The following SUGCT variants were observed in gnomAD, a reference collection of about 807,000 sequenced individuals.
SUGCT encodes succinyl-CoA:glutarate CoA-transferase.
In SUGCT, 41 loss-of-function variants were observed where a neutral mutation model predicts 55.0. The ratio of observed to expected loss-of-function variants is 0.74; its 90% CI spans 0.58 to 0.97. SUGCT has a LOEUF of 0.97. Among genes scored for constraint, SUGCT ranks in the 50% least tolerant of loss-of-function variants. SUGCT has a pLI of 0.00. For synonymous variants in SUGCT, 187 were observed against 200.4 expected (o/e 0.93, Z 0.56); for missense variants, 568 against 547.8 (o/e 1.04, Z -0.37).
chr7:40,247,459 T>C (rs1210150940), intron 7 of SUGCT, among the ~76,000 whole-genome samples: 2 of 152,154 alleles, frequency 1.3e-5, no homozygotes, highest in African/African-American at 4.8e-5. Context: ...GGTTTCACCA[T>C]GTTGGCCAGG....
the SUGCT span, among the ~76,000 whole-genome samples, chr7:40,939,340 G>A: frequency 1.3e-5 from 2 of 152,276 alleles, no homozygotes; most frequent in South Asian, 4.1e-4. Context: ...TCCACAACAC[G>A]TGGGAATTAT....
intron 9 of SUGCT, among the ~76,000 whole-genome samples, chr7:40,414,477 GA>G (rs1277770079): frequency 6.6e-6 from 1 of 152,146 alleles, no homozygotes; most frequent in Non-Finnish European, 1.5e-5. Flanking sequence ...CTAAGCAGAT[GA>G]GGGGGGACTA....
intron 12 of SUGCT, among the ~76,000 whole-genome samples, chr7:40,562,314 A>AAG (rs1476094622): frequency 1.3e-5 from 2 of 150,752 alleles, no homozygotes; most frequent in Non-Finnish European, 1.5e-5. Context: ...AAAAAAAAAA[A>AAG]GGTGAATGCC....
intron 7 of SUGCT, among the ~76,000 whole-genome samples, chr7:40,265,597 AGT>A (rs1791515300): frequency 6.6e-6 from 1 of 152,128 alleles, no homozygotes; most frequent in Non-Finnish European, 1.5e-5. Flanking sequence ...TGTGTATGTA[AGT>A]AATCTTTTAA....
At chr7:40,471,722 T>C (rs1790411433) in intron 11 of SUGCT, among the ~76,000 whole-genome samples, 1 of 152,152 alleles carries the variant, frequency 6.6e-6, no homozygotes, top group Non-Finnish European at 1.5e-5. Flanking sequence ...TTTTAAGTAC[T>C]GGAGATAACA....
At chr7:40,916,800 T>C in the SUGCT span, among the ~76,000 whole-genome samples, 2 of 152,222 alleles carry the variant, frequency 1.3e-5, no homozygotes, top group African/African-American at 4.8e-5. Flanking sequence ...TTCATTTGTT[T>C]CTTTATACAC....
chr7:40,316,267 A>G (rs1047373557), intron 8 of SUGCT, among the ~76,000 whole-genome samples: 3 of 152,238 alleles, frequency 2.0e-5, no homozygotes, highest in Non-Finnish European at 2.9e-5. Flanking sequence ...CTTAAATAAA[A>G]TGGAGGTTTA....
intron 11 of SUGCT, among the ~76,000 whole-genome samples, chr7:40,468,901 G>A (rs1790266403): frequency 6.6e-6 from 1 of 152,132 alleles, no homozygotes; most frequent in South Asian, 2.1e-4. Flanking sequence ...CCTAAGGTAA[G>A]TGAAGAGGGA....
intron 12 of SUGCT, among the ~76,000 whole-genome samples, chr7:40,604,341 C>G (rs1434028727): frequency 1.3e-5 from 2 of 152,090 alleles, no homozygotes; most frequent in African/African-American, 4.8e-5. Context: ...TTACATGAAT[C>G]TGCTTGGTTT....
intron 8 of SUGCT, among the ~76,000 whole-genome samples, chr7:40,312,050 G>GTTT (rs35487000): frequency 0.06 from 8,764 of 144,880 alleles, 318 homozygotes; most frequent in Middle Eastern, 0.075. Flanking sequence ...CCTCACATAA[G>GTTT]TTTTTTTTTT....
At chr7:40,284,462 G>T (rs965304170) in intron 8 of SUGCT, among the ~76,000 whole-genome samples, 2 of 151,878 alleles carry the variant, frequency 1.3e-5, no homozygotes, top group Non-Finnish European at 2.9e-5. Context: ...ACAAAAATTA[G>T]CCAGGTGTGG....
chr7:40,420,281 C>G (rs1362115712), intron 9 of SUGCT, among the ~76,000 whole-genome samples: 1 of 152,018 alleles, frequency 6.6e-6, no homozygotes, highest in African/African-American at 2.4e-5. Flanking sequence ...GTGAAATAGT[C>G]AGATCATGTT....
intron 12 of SUGCT, among the ~76,000 whole-genome samples, chr7:40,612,064 A>G (rs143491715): frequency 2.0e-5 from 3 of 152,054 alleles, no homozygotes; most frequent in African/African-American, 4.8e-5. Context: ...TTAAATTACA[A>G]TAATGATCCT....
Position 40,838,944 on chromosome 7 carries a change from GTT to G in SUGCT, c.1154-21357_1154-21356del, listed in dbSNP as rs74338520. Reference sequence around the variant, plus strand: ...GCCCTCTATTCTTCCTTTGGTGAGAGTTTTTTTTTTTTTTTTCACATGTAGGT... The same window carrying G: ...GCCCTCTATTCTTCCTTTGGTGAGAGTTTTTTTTTTTTTTCACATGTAGGT... On this transcript the variant is annotated intron_variant, in intron 13 of 13. Coordinates refer to ENST00000335693, the MANE Select transcript of SUGCT (RefSeq NM_001193313.2). 4.0e-4 allele frequency among the ~76,000 whole-genome samples: 52 copies of G among 129,938 alleles called. 1 individual carries two copies. The highest frequency in any genetic ancestry group is 4.6e-3 in the Middle Eastern group (1 of 216). The allele number at this position is 129,938 out of a possible 152,430, so 85.2% of individuals were successfully genotyped here.
At chr7:40,690,740 C>CT (rs989073931) in intron 12 of SUGCT, among the ~76,000 whole-genome samples, 1 of 151,836 alleles carries the variant, frequency 6.6e-6, no homozygotes, top group African/African-American at 2.4e-5. Flanking sequence ...GACTGCCTGA[C>CT]TAATTTTTGT....
At chr7:40,883,440 C>T in the SUGCT span, among the ~76,000 whole-genome samples, 3 of 152,118 alleles carry the variant, frequency 2.0e-5, no homozygotes, top group Non-Finnish European at 4.4e-5. Context: ...ACAGCATGGG[C>T]CTTGGAGTTT....
At chr7:40,636,386 A>C (rs1800020677) in intron 12 of SUGCT, among the ~76,000 whole-genome samples, 1 of 152,140 alleles carries the variant, frequency 6.6e-6, no homozygotes, top group South Asian at 2.1e-4. Flanking sequence ...GGAGGGAGTC[A>C]GGTGGAAGCT....
intron 12 of SUGCT, among the ~76,000 whole-genome samples, chr7:40,693,289 C>G (rs1584284924): frequency 6.6e-6 from 1 of 152,206 alleles, no homozygotes; most frequent in East Asian, 1.9e-4. Flanking sequence ...CAAAGCCTCC[C>G]TTTCCTTATT....
At chr7:40,915,173 TGCC>T in the SUGCT span, among the ~76,000 whole-genome samples, 3 of 152,108 alleles carry the variant, frequency 2.0e-5, no homozygotes, top group Admixed American at 2.0e-4. Context: ...GGTGCCTGAG[TGCC>T]AGATGAGTTT....
Sources: gnomAD v4.1 joint callset for allele counts (sites outside exome capture counted in the v4.1 genomes callset) on GRCh38, gnomAD v4.1.1 for gene constraint, MANE v1.5 for transcripts, NCBI Gene and HGNC (gene_info 2026-07-23, HGNC 2026-07-21) for gene names.